PEAK1: variants seen among roughly 807,000 people sequenced by gnomAD.
PEAK1 encodes pseudopodium enriched atypical kinase 1.
A neutral mutation model predicts 124.7 loss-of-function variants in PEAK1; 54 were observed. The observed-to-expected ratio is 0.43, with a 90% CI of 0.35 to 0.54. PEAK1 has a LOEUF of 0.54. Ranked by LOEUF, PEAK1 falls within the 20% of genes least tolerant of loss-of-function variation. The pLI is 0.01. For missense variants in PEAK1, 2,046 were observed against 2,134.5 expected (o/e 0.96, Z 0.82); for synonymous variants, 719 against 760.0 (o/e 0.95, Z 0.89).
At chr15:77,146,569 T>C (rs1350049762) in intron 8 of PEAK1, among the ~76,000 whole-genome samples, 1 of 152,206 alleles carries the variant, frequency 6.6e-6, no homozygotes, top group Non-Finnish European at 1.5e-5. Context: ...AAAACTATTT[T>C]TAAATGGGAA....
intron 8 of PEAK1, among the ~76,000 whole-genome samples, chr15:77,147,797 A>G (rs1175903780): frequency 1.3e-5 from 2 of 152,186 alleles, no homozygotes; most frequent in Non-Finnish European, 2.9e-5. Context: ...ATTTTTGTGC[A>G]ACATAGAAGA....
chr15:77,186,058 G>A (rs1335794349), intron 6 of PEAK1, among the ~76,000 whole-genome samples: 1 of 151,884 alleles, frequency 6.6e-6, no homozygotes. Context: ...TGCTCACTGT[G>A]GAAACTCAGA....
intron 9 of PEAK1, among the ~76,000 whole-genome samples, chr15:77,131,749 G>A (rs2052881647): frequency 6.6e-6 from 1 of 152,142 alleles, no homozygotes; most frequent in Non-Finnish European, 1.5e-5. Context: ...ACAGAGCAGA[G>A]GTAGACAAGC....
chr15:77,226,829 G>A (rs967107734), intron 6 of PEAK1, among the ~76,000 whole-genome samples: 7 of 151,922 alleles, frequency 4.6e-5, no homozygotes, highest in Non-Finnish European at 8.8e-5. Flanking sequence ...TCCTTATAAC[G>A]TATTACCACC....
exon 7 of PEAK1, chr15:77,103,150 TTTTG>T (rs1216062883): frequency 6.6e-6 from 1 of 152,096 alleles, no homozygotes; most frequent in African/African-American, 2.4e-5. Context: ...ATTTTTTTGC[TTTTG>T]TTTTTGTTTT....
chr15:77,343,781 G>A lies in PEAK1; in HGVS notation c.-603+21382C>T, dbSNP rs1004628944. On this transcript the variant is annotated intron_variant, in intron 2 of 9. Coordinates refer to ENST00000682557, the MANE Select transcript of PEAK1 (RefSeq NM_001385026.1). ...GATTACAGGTGTGAGAAACCGCGCC[G>A]GCCTTATCTATTTTTTCTTTTGTTA... is the stretch of plus-strand genomic sequence containing the variant. Among the ~76,000 whole-genome samples, 16 of 151,668 alleles carry A rather than the reference G, an allele frequency of 1.1e-4. 1 individual carries two copies. Among genetic ancestry groups the A allele is most frequent in the Admixed American group, 2.6e-4 (4 of 15,212 alleles).
At chr15:77,242,657 T>C (rs1458678076) in intron 6 of PEAK1, among the ~76,000 whole-genome samples, 1 of 152,208 alleles carries the variant, frequency 6.6e-6, no homozygotes, top group African/African-American at 2.4e-5. Flanking sequence ...TTTCCTATTT[T>C]TAGTTTGTGT....
chr15:77,221,320 T>C (rs1397282338), intron 6 of PEAK1, among the ~76,000 whole-genome samples: 1 of 152,108 alleles, frequency 6.6e-6, no homozygotes, highest in African/African-American at 2.4e-5. Flanking sequence ...AACACTAAAG[T>C]AAGACTATGG....
At chr15:77,404,824 C>T (rs537933710) in intron 1 of PEAK1, 18 of 959,164 alleles carry the variant, frequency 1.9e-5, no homozygotes, top group Non-Finnish European at 2.1e-5. Context: ...TTCAACTTAT[C>T]GAATGTAACT....
intron 7 of PEAK1, among the ~76,000 whole-genome samples, chr15:77,174,908 A>G (rs2056751998): frequency 6.6e-6 from 1 of 152,128 alleles, no homozygotes; most frequent in Non-Finnish European, 1.5e-5. Context: ...ACAGAGATAT[A>G]GATCAATGGA....
chr15:77,154,257 T>A (rs540442678), intron 8 of PEAK1, among the ~76,000 whole-genome samples: 1 of 152,352 alleles, frequency 6.6e-6, no homozygotes, highest in African/African-American at 2.4e-5. Context: ...CTTTGTCTCT[T>A]TTAATCTTTG....
At chr15:77,176,277 G>T (rs868523851) in intron 7 of PEAK1, among the ~76,000 whole-genome samples, 2 of 103,326 alleles carry the variant, frequency 1.9e-5, no homozygotes, top group African/African-American at 7.1e-5. Flanking sequence ...AAAAAGAAAA[G>T]AAAAAAAAAA....
At chr15:77,165,251 G>A (rs1263384542) in intron 7 of PEAK1, among the ~76,000 whole-genome samples, 2 of 149,548 alleles carry the variant, frequency 1.3e-5, no homozygotes, top group East Asian at 3.9e-4. Context: ...CCGGAGTGCA[G>A]TGGCACGAAC....
rs2053030366 is a variant in PEAK1 at position 77,133,259 on chromosome 15, C to T, written c.3823G>A (p.Ala1275Thr). ...CGATTCTCAAGTCCTCGATAAAGTG[C>T]TTGTCTCTGCGGCTTCTGGATGCCT... ...GRGIQKPQRQ[A>T]LYRGLENREE... is the part of the protein sequence containing the mutation. Residue 1275 changes from alanine (A) to threonine (T), a missense_variant, in exon 9 of 10, where the codon GCA becomes ACA. Physicochemically the swap from Ala to Thr is moderately conservative, Grantham distance 58. Transcript: ENST00000682557. This position sits in a 1 kb window ranked among gnomAD's most constrained non-coding sequence, Gnocchi z 4.2. 6.2e-7 allele frequency: 1 copy of T among 1,614,248 alleles called. No homozygotes were observed. The highest frequency in any genetic ancestry group is 2.2e-5 in the East Asian group (1 of 44,884).
intron 8 of PEAK1, among the ~76,000 whole-genome samples, chr15:77,146,775 A>G (rs889736104): frequency 5.3e-5 from 8 of 152,220 alleles, no homozygotes; most frequent in African/African-American, 1.9e-4. Flanking sequence ...GTGTGGAATA[A>G]TGTCTGCTCA....
At chr15:77,382,062 G>A (rs1389901629) in intron 1 of PEAK1, among the ~76,000 whole-genome samples, 2 of 152,090 alleles carry the variant, frequency 1.3e-5, no homozygotes, top group Non-Finnish European at 2.9e-5. Flanking sequence ...TTTCAAGCTA[G>A]ACTCCATCCA....
chr15:77,356,039 C>T lies in PEAK1; in HGVS notation c.-603+9124G>A, dbSNP rs138781579. 77 of 661,066 alleles carry T rather than the reference C, an allele frequency of 1.2e-4. 1 individual carries two copies. In the African/African-American group the frequency reaches 1.4e-3, roughly 12 times the overall value. The allele number at this position is 661,066 out of a possible 1,614,324, so 41.0% of individuals were successfully genotyped here. Reference sequence around the variant, plus strand: ...TTTGCTTCTCTTGTATTCCAGTGCCCATGTGCACACGACCTGGCCCCAAAC... The same window carrying T: ...TTTGCTTCTCTTGTATTCCAGTGCCTATGTGCACACGACCTGGCCCCAAAC... On this transcript the variant is annotated intron_variant, in intron 2 of 9. Transcript: ENST00000682557.
intron 1 of PEAK1, among the ~76,000 whole-genome samples, chr15:77,384,755 G>A (rs1480099995): frequency 6.6e-6 from 1 of 152,170 alleles, no homozygotes; most frequent in African/African-American, 2.4e-5. Flanking sequence ...CCCTCCACCA[G>A]ATCCATTTAG....
At chr15:77,125,135 C>T (rs1023265370) in intron 9 of PEAK1, among the ~76,000 whole-genome samples, 2 of 151,958 alleles carry the variant, frequency 1.3e-5, no homozygotes, top group African/African-American at 4.8e-5. Flanking sequence ...TTTGAAGGGT[C>T]AAGAAATATT....
Sources: allele counts gnomAD v4.1 joint callset (sites outside exome capture counted in the v4.1 genomes callset), GRCh38; gene constraint gnomAD v4.1.1; non-coding constraint Gnocchi (gnomAD v3.1); transcripts MANE v1.5; gene names NCBI Gene and HGNC (gene_info 2026-07-23, HGNC 2026-07-21).